SORL1: variants seen among roughly 807,000 people sequenced by gnomAD.
SORL1 encodes the protein sortilin related receptor 1.
Under a neutral mutation model 273.7 loss-of-function variants are expected in SORL1, and 127 were observed. The ratio of observed to expected loss-of-function variants is 0.46; its 90% CI spans 0.40 to 0.54. The LOEUF is 0.54. SORL1 is among the 20% of genes least tolerant of loss of function. The probability of loss-of-function intolerance (pLI) is 0.00; values close to 1 mark genes in which losing one functional copy is unlikely to be tolerated. For missense variants in SORL1, 2,494 were observed against 2,846.1 expected, an observed-to-expected ratio of 0.88 and a Z score of 2.81; for synonymous variants, 1,031 against 1,067.4, an observed-to-expected ratio of 0.97 and a Z score of 0.66.
intron 26 of SORL1, among the ~76,000 whole-genome samples, chr11:121,585,500 T>TACACAC (rs58254356): frequency 0.036 from 4,987 of 137,450 alleles, 104 homozygotes; most frequent in East Asian, 0.066. Flanking sequence ...AAAATGTATA[T>TACACAC]ACACACACAC....
Position 121,605,216 on chromosome 11 carries a change from T to C in SORL1, c.4755T>C (p.Ser1585=). Reference sequence around the variant, plus strand: ...GGCCCAAAAAAATGCCCTCTGCTTCTTGTGTATATAATGTCTACTACAGGT... The same window carrying C: ...GGCCCAAAAAAATGCCCTCTGCTTCCTGTGTATATAATGTCTACTACAGGT... ...WMRPKKMPSA[S]CVYNVYYRVV... is the part of the protein sequence containing the mutation. Residue 1585 remains serine (S), a synonymous_variant, in exon 34 of 48, where the codon TCT becomes TCC. Coordinates refer to ENST00000260197, the MANE Select transcript of SORL1 (RefSeq NM_003105.6). 1 of 1,613,448 alleles carries C rather than the reference T, an allele frequency of 6.2e-7. No homozygotes were observed. Among genetic ancestry groups the C allele is most frequent in the Non-Finnish European group, 8.5e-7 (1 of 1,179,754 alleles).
intron 16 of SORL1, among the ~76,000 whole-genome samples, chr11:121,552,811 A>C (rs143214280): frequency 6.6e-6 from 1 of 152,238 alleles, no homozygotes; most frequent in Non-Finnish European, 1.5e-5. Flanking sequence ...GTGGGCAGGA[A>C]TGGCTAACCC....
chr11:121,605,493 CAGGTT>C lies in SORL1; in HGVS notation c.4872_4876del (p.Val1625SerfsTer14). ...AGTCTTGAAACCAGATACCACGTAT[CAGGTT>C]AAAGTACAGGTTCAGTGTCTCAGCA... On this transcript the variant is annotated frameshift_variant, in exon 35 of 48. Transcript: ENST00000260197. LOFTEE classifies it high-confidence loss of function. The C allele has an allele frequency of 6.2e-7, 1 of 1,614,108 alleles. No homozygotes were observed. Among genetic ancestry groups the C allele is most frequent in the Non-Finnish European group, 8.5e-7 (1 of 1,179,976 alleles).
At chr11:121,519,374 A>G (rs112048931) in intron 8 of SORL1, among the ~76,000 whole-genome samples, 149 of 150,820 alleles carry the variant, frequency 9.9e-4, no homozygotes, top group African/African-American at 3.4e-3. Context: ...GGGTATCCGC[A>G]TGGTAGATAA....
In SORL1 at chr11:121,549,532, T is replaced by A. The variant is rs567369413; in HGVS notation, c.2052-428T>A. 3.5e-3 allele frequency among the ~76,000 whole-genome samples: 538 copies of A among 152,332 alleles called. 3 individuals are homozygous for A. Among genetic ancestry groups the A allele is most frequent in the Non-Finnish European group, 4.7e-3 (320 of 68,022 alleles). On this transcript the variant is annotated intron_variant, in intron 14 of 47. Transcript: ENST00000260197. ...GTGAACCACCATGCCCGGCCCCAAA[T>A]AATTTTTTAAAAAGGTTATTCTTTT...
intron 21 of SORL1, among the ~76,000 whole-genome samples, chr11:121,560,853 G>C (rs2134912545): frequency 6.6e-6 from 1 of 152,320 alleles, no homozygotes; most frequent in Non-Finnish European, 1.5e-5. Flanking sequence ...TTAAATCTCA[G>C]ATATGAATTA....
intron 32 of SORL1, among the ~76,000 whole-genome samples, chr11:121,599,035 A>G (rs1863345037): frequency 6.6e-6 from 1 of 151,694 alleles, no homozygotes; most frequent in African/African-American, 2.4e-5. Flanking sequence ...TTGTTTATTT[A>G]TTTGTTTGTT....
intron 5 of SORL1, among the ~76,000 whole-genome samples, chr11:121,490,793 G>A (rs966976819): frequency 1.3e-5 from 2 of 150,482 alleles, no homozygotes; most frequent in Admixed American, 6.6e-5. Context: ...TTTCTTGAAT[G>A]TCTGTTAAAT....
chr11:121,465,656 T>C (rs1485475667), intron 1 of SORL1, among the ~76,000 whole-genome samples: 1 of 152,058 alleles, frequency 6.6e-6, no homozygotes, highest in Non-Finnish European at 1.5e-5. Flanking sequence ...GCTTCCCGAG[T>C]AGCTGGGACT....
rs1863817663 is a variant in SORL1, at chr11:121,627,722, A to G, written c.6532A>G (p.Ser2178Gly). Reference sequence around the variant, plus strand: ...CACCGCCTTCGCCAACAGCCACTACAGCTCCAGGCTGGGGTCCGCAATCTT... The same window carrying G: ...CACCGCCTTCGCCAACAGCCACTACGGCTCCAGGCTGGGGTCCGCAATCTT... ...SFTAFANSHYSSRLGSAIFSS... is the reference protein window; with the variant it reads ...SFTAFANSHYGSRLGSAIFSS... The change falls in exon 47 of 48, where the codon AGC (serine) becomes GGC (glycine). Residue 2178 changes from serine to glycine, a missense_variant. This residue lies in a region of SORL1 where 1,609 missense variants were observed against 1,816.4 expected (regional missense o/e 0.89). Transcript: ENST00000260197. The surrounding 1 kb of genome is among the most constrained non-coding windows in gnomAD (Gnocchi z 4.9). The G allele has an allele frequency of 6.2e-7, 1 of 1,614,036 alleles. No homozygotes were observed. The highest frequency in any genetic ancestry group is 8.5e-7 in the Non-Finnish European group (1 of 1,180,038).
intron 12 of SORL1, among the ~76,000 whole-genome samples, chr11:121,543,334 C>A (rs777028251): frequency 6.6e-6 from 1 of 152,064 alleles, no homozygotes; most frequent in African/African-American, 2.4e-5. Context: ...CTCCTAAATT[C>A]GGCCAGTTGG....
Position 121,490,028 on chromosome 11 carries a change from C to A in SORL1, c.691-15C>A, listed in dbSNP as rs367583942. 4.5e-5 allele frequency: 73 copies of A among 1,608,336 alleles called. No individual in the cohort carries two copies. Among genetic ancestry groups the A allele is most frequent in the Non-Finnish European group, 6.1e-5 (72 of 1,174,866 alleles). ...TTATACATGCCTCTTGCATCATGAC[C>A]ACTTGTCTTTGCAGCTGTGGAAGTC... is the stretch of plus-strand genomic sequence containing the variant. On this transcript the variant is annotated splice_polypyrimidine_tract_variant and intron_variant, in intron 4 of 47. Coordinates refer to ENST00000260197, the MANE Select transcript of SORL1 (RefSeq NM_003105.6).
At chr11:121,587,474 T>A (rs769719790) in intron 27 of SORL1, among the ~76,000 whole-genome samples, 4 of 152,232 alleles carry the variant, frequency 2.6e-5, no homozygotes, top group African/African-American at 7.2e-5. Context: ...AGGACACGAA[T>A]TCTTTTGAGT....
intron 41 of SORL1, among the ~76,000 whole-genome samples, chr11:121,618,371 A>G (rs1863669445): frequency 6.6e-6 from 1 of 152,084 alleles, no homozygotes; most frequent in South Asian, 2.1e-4. Context: ...CACTCAGCAC[A>G]TCCCCTTGGA....
chr11:121,610,831 C>T, intron 38 of SORL1: 1 of 395,772 alleles, frequency 2.5e-6, no homozygotes, highest in South Asian at 3.6e-5. Flanking sequence ...AACTTTTCTG[C>T]CTGACCTAAT....
At position 121,570,053 on chromosome 11, in the gene SORL1, C is replaced by T. The variant is rs188663181; in HGVS notation, c.3224-104C>T. 69 of 625,280 alleles carry T rather than the reference C, an allele frequency of 1.1e-4. No individual in the cohort carries two copies. In the Admixed American group the frequency reaches 1.3e-3, roughly 12 times the overall value. 38.7% of individuals were successfully genotyped at this position (625,280 alleles called of 1,614,324 possible). A position where few individuals can be genotyped will look rare whatever the true frequency, so the allele number is the denominator to read the frequency against. On this transcript the variant is annotated intron_variant, in intron 22 of 47. Transcript: ENST00000260197. ...ACCCGATATCTGGCTGAATTTCCCC[C>T]GATAGTTACTAAAGGGAGGGAAACT... is the stretch of plus-strand genomic sequence containing the variant.
intron 14 of SORL1, among the ~76,000 whole-genome samples, chr11:121,547,576 G>A (rs1591321504): frequency 6.6e-6 from 1 of 151,700 alleles, no homozygotes. Context: ...GCTTGTATGT[G>A]GAGTGTTTTT....
At chr11:121,605,310 T>A in intron 34 of SORL1, 71 bp downstream of exon 34, 1 of 1,580,038 alleles carries the variant, frequency 6.3e-7, no homozygotes. Context: ...GTAAACTCTC[T>A]AGTGGCATGC....
intron 32 of SORL1, among the ~76,000 whole-genome samples, chr11:121,599,042 T>C (rs1863345168): frequency 6.6e-6 from 1 of 152,250 alleles, no homozygotes; most frequent in Admixed American, 6.5e-5. Flanking sequence ...TTTATTTGTT[T>C]GTTTATTTTA....
Sources: gnomAD v4.1 joint callset for allele counts (sites outside exome capture counted in the v4.1 genomes callset) on GRCh38, gnomAD v4.1.1 for gene constraint, gnomAD v4.1.1 regional missense constraint, Gnocchi (gnomAD v3.1) non-coding constraint, MANE v1.5 for transcripts, NCBI Gene and HGNC (gene_info 2026-07-23, HGNC 2026-07-21) for gene names.